Variants in COL4A3 observed in about 807,000 individuals in gnomAD.
COL4A3 encodes the protein collagen alpha-3(IV) chain.
In COL4A3, 135 loss-of-function variants were observed where a neutral mutation model predicts 217.4. The ratio of observed to expected loss-of-function variants is 0.62; its 90% CI spans 0.54 to 0.72. The LOEUF is 0.72. Ranked by LOEUF, COL4A3 falls within the 30% of genes least tolerant of loss-of-function variation. The probability of loss-of-function intolerance (pLI) is 0.00; values close to 1 mark genes in which losing one functional copy is unlikely to be tolerated. For missense variants in COL4A3, 1,868 were observed against 2,119.9 expected (o/e 0.88, Z 2.33); for synonymous variants, 690 against 736.3 (o/e 0.94, Z 1.02).
At chr2:227,249,230 A>ATATATATATATATATATATATATATTT in intron 9 of COL4A3, among the ~76,000 whole-genome samples, 9 of 14,684 alleles carry the variant, frequency 6.1e-4, no homozygotes, top group Non-Finnish European at 1.0e-3. Flanking sequence ...ATATATATAT[A>ATATATATATATATATATATATATATTT]TTTTTTTTTT....
intron 23 of COL4A3, among the ~76,000 whole-genome samples, chr2:227,267,833 G>A (rs998209432): frequency 1.3e-5 from 2 of 151,144 alleles, no homozygotes. Flanking sequence ...AGTGTCCTGA[G>A]GCTTAAATAA....
intron 11 of COL4A3, among the ~76,000 whole-genome samples, chr2:227,252,672 T>G (rs6715914): frequency 0.78 from 118,264 of 151,692 alleles, 46,774 homozygotes; most frequent in East Asian, 0.91. Flanking sequence ...TAAGTGAATT[T>G]TCCAATAGAC....
chr2:227,298,173 C>A lies in COL4A3; in HGVS notation c.3751+314C>A, dbSNP rs545179926. Among the ~76,000 whole-genome samples, 70 of 152,224 alleles carry A rather than the reference C, an allele frequency of 4.6e-4. 1 individual carries two copies. The South Asian group carries it at 1.0e-2, about 22-fold the overall frequency. On this transcript the variant is annotated intron_variant, in intron 42 of 51. Coordinates refer to ENST00000396578, the MANE Select transcript of COL4A3 (RefSeq NM_000091.5). ...GACTAGCCTGGCCAACATGGTGAAACCCTGTCTCTACTAAAAATACAAAAA... is the reference window on the plus strand; with the variant it reads ...GACTAGCCTGGCCAACATGGTGAAAACCTGTCTCTACTAAAAATACAAAAA...
chr2:227,236,296 A>G (rs766227847), intron 1 of COL4A3, among the ~76,000 whole-genome samples: 9 of 152,350 alleles, frequency 5.9e-5, no homozygotes, highest in Non-Finnish European at 8.8e-5. Flanking sequence ...ACTGCAGTGT[A>G]TATGAACATG....
At chr2:227,279,145 C>T (rs77202339) in intron 28 of COL4A3, among the ~76,000 whole-genome samples, 4,132 of 149,986 alleles carry the variant, frequency 0.028, 82 homozygotes, top group Middle Eastern at 0.051. Flanking sequence ...TTGGCACTAT[C>T]TCAGCTCAAC....
intron 16 of COL4A3, 115 bp from the exon 17 acceptor site, chr2:227,256,228 G>T: frequency 8.7e-7 from 1 of 1,147,314 alleles, no homozygotes; most frequent in Admixed American, 1.7e-5. Context: ...CCACTGTGAA[G>T]AGAGATCATC....
Position 227,270,756 on chromosome 2 carries a change from G to A in COL4A3, c.1576-14G>A. On this transcript the variant is annotated splice_polypyrimidine_tract_variant and intron_variant, in intron 24 of 51. Transcript: ENST00000396578. ...AACAAAATACAATACAGATTCATTT[G>A]TGTACTACCCTAGGGTTTCCCAGGT... 1 of 1,612,182 alleles carries A rather than the reference G, an allele frequency of 6.2e-7. No homozygotes were observed. The highest frequency in any genetic ancestry group is 8.5e-7 in the Non-Finnish European group (1 of 1,178,332).
chr2:227,197,131 C>G (rs1394307157), intron 1 of COL4A3, among the ~76,000 whole-genome samples: 1 of 152,220 alleles, frequency 6.6e-6, no homozygotes, highest in Non-Finnish European at 1.5e-5. Flanking sequence ...CCCCAGCCAC[C>G]TGGAACTGTT....
intron 1 of COL4A3, among the ~76,000 whole-genome samples, chr2:227,172,022 T>A: frequency 6.6e-6 from 1 of 152,224 alleles, no homozygotes; most frequent in East Asian, 1.9e-4. Flanking sequence ...GTGTGTTCAC[T>A]GGAGTTGTAT....
At chr2:227,264,224 G>A (rs1165768881) in intron 21 of COL4A3, among the ~76,000 whole-genome samples, 1 of 152,214 alleles carries the variant, frequency 6.6e-6, no homozygotes, top group Non-Finnish European at 1.5e-5. Context: ...CTATCAAGTT[G>A]GCCTTGACCA....
intron 3 of COL4A3, among the ~76,000 whole-genome samples, chr2:227,243,213 A>G (rs939726783): frequency 6.6e-6 from 1 of 152,232 alleles, no homozygotes; most frequent in Non-Finnish European, 1.5e-5. Context: ...ATTCCAGAAG[A>G]TTAATCCAGA....
intron 18 of COL4A3, among the ~76,000 whole-genome samples, chr2:227,258,910 C>CTTTTGTGA (rs2070367937): frequency 6.6e-6 from 1 of 151,808 alleles, no homozygotes; most frequent in South Asian, 2.1e-4. Context: ...TAATATAATA[C>CTTTTGTGA]TTTTGTGATT....
chr2:227,262,741 A>C (rs2070666166), intron 20 of COL4A3, among the ~76,000 whole-genome samples: 2 of 152,052 alleles, frequency 1.3e-5, no homozygotes, highest in African/African-American at 4.8e-5. Flanking sequence ...TGTTGATTTC[A>C]TGTCCTGCAA....
rs1264984627 is a variant in COL4A3 at position 227,246,024 on chromosome 2, C to A, written c.387+8C>A. ...GGATGCAGTGGTTCTAAGGTAAGTA[C>A]TTTTCACACAGAAGATGATTAATAA... On this transcript the variant is annotated splice_region_variant and intron_variant, in intron 6 of 51. Coordinates refer to ENST00000396578, the MANE Select transcript of COL4A3 (RefSeq NM_000091.5). The A allele has an allele frequency of 1.2e-6, 2 of 1,601,618 alleles. No homozygotes were observed. The highest frequency in any genetic ancestry group is 2.7e-5 in the African/African-American group (2 of 74,782).
chr2:227,260,204 C>T (rs977552084), intron 19 of COL4A3: 16 of 459,198 alleles, frequency 3.5e-5, no homozygotes, highest in Admixed American at 1.2e-4. Flanking sequence ...ATGGAGACCG[C>T]GAACAAACTC....
intron 1 of COL4A3, among the ~76,000 whole-genome samples, chr2:227,206,790 C>T (rs181778520): frequency 1.5e-4 from 23 of 152,302 alleles, no homozygotes; most frequent in African/African-American, 4.3e-4. Flanking sequence ...GACACACACT[C>T]GTATGCAGGT....
chr2:227,300,957 C>T (rs1211659822), intron 43 of COL4A3, among the ~76,000 whole-genome samples: 1 of 152,088 alleles, frequency 6.6e-6, no homozygotes, highest in East Asian at 1.9e-4. Context: ...GTGAGTGACA[C>T]ACACACAACT....
rs531842562 is a variant in COL4A3, at chr2:227,272,537, C to A, written c.1759-412C>A. Among the ~76,000 whole-genome samples the A allele has an allele frequency of 2.0e-5, 3 of 152,222 alleles. No individual in the cohort carries two copies. The East Asian group carries it at 5.8e-4, about 29-fold the overall frequency. The stretch of plus-strand genomic sequence containing the variant: ...TGAGAGAAAATGGAAGTGGGAAATC[C>A]CCTTTGTCATGAAAATACCTGGTGA... On this transcript the variant is annotated intron_variant, in intron 25 of 51. Coordinates refer to ENST00000396578, the MANE Select transcript of COL4A3 (RefSeq NM_000091.5).
intron 2 of COL4A3, among the ~76,000 whole-genome samples, chr2:227,238,472 A>G (rs954399948): frequency 2.0e-5 from 3 of 152,210 alleles, no homozygotes; most frequent in Admixed American, 6.5e-5. Context: ...ATCCCACAGC[A>G]GCACACTGGT....
Sources: allele counts gnomAD v4.1 joint callset (sites outside exome capture counted in the v4.1 genomes callset), GRCh38; gene constraint gnomAD v4.1.1; transcripts MANE v1.5; gene names NCBI Gene and HGNC (gene_info 2026-07-23, HGNC 2026-07-21).